The following KCNG3 variants were observed in gnomAD, a reference collection of about 807,000 sequenced individuals.
The protein encoded by KCNG3 is potassium voltage-gated channel modifier subfamily G member 3, also known as voltage-gated potassium channel regulatory subunit KCNG3.
KCNG3 carries 15 observed loss-of-function variants against 29.0 expected under a neutral mutation model. That is an observed-to-expected ratio of 0.52 (90% CI 0.35 to 0.80). The LOEUF is 0.80. KCNG3 is among the 30% of genes least tolerant of loss of function. The pLI is 0.01. For missense variants in KCNG3, 512 were observed against 605.7 expected (o/e 0.85, Z 1.62); for synonymous variants, 322 against 248.9 (o/e 1.29, Z -2.76).
chr2:42,409,723 AAAAAAATT>A, the KCNG3 span, among the ~76,000 whole-genome samples: 274 of 73,278 alleles, frequency 3.7e-3, 2 homozygotes, highest in East Asian at 0.017. Flanking sequence ...AAAAAAAAAA[AAAAAAATT>A]TTTTTTTAAA....
chr2:42,465,235 G>GA (rs1673113587), intron 1 of KCNG3, among the ~76,000 whole-genome samples: 2 of 111,708 alleles, frequency 1.8e-5, no homozygotes, highest in African/African-American at 7.4e-5. Context: ...TTTTTTTTTT[G>GA]AAACAGGGTT....
chr2:42,411,787 C>T, the KCNG3 span, among the ~76,000 whole-genome samples: 1 of 152,260 alleles, frequency 6.6e-6, no homozygotes, highest in East Asian at 1.9e-4. Context: ...CCAACCAGGT[C>T]TCATACATTT....
chr2:42,412,017 G>A, the KCNG3 span, among the ~76,000 whole-genome samples: 7 of 152,210 alleles, frequency 4.6e-5, no homozygotes. Flanking sequence ...TGGAAAAGAC[G>A]TGGAGCCCCT....
chr2:42,418,446 A>G, the KCNG3 span, among the ~76,000 whole-genome samples: 1 of 152,230 alleles, frequency 6.6e-6, no homozygotes, highest in Non-Finnish European at 1.5e-5. Context: ...AAATACCGCA[A>G]ATAAACCACA....
chr2:42,452,243 A>ATATATAT, intron 1 of KCNG3, among the ~76,000 whole-genome samples: 1 of 95,064 alleles, frequency 1.1e-5, no homozygotes, highest in Non-Finnish European at 2.1e-5. Flanking sequence ...ATATATATAT[A>ATATATAT]TTTTTTTTTT....
At chr2:42,406,221 T>A in the KCNG3 span, among the ~76,000 whole-genome samples, 8,236 of 152,034 alleles carry the variant, frequency 0.054, 270 homozygotes, top group Middle Eastern at 0.096. Context: ...TTTTAACACA[T>A]TAATTTTTTT....
At chr2:42,452,851 G>T (rs368973077) in intron 1 of KCNG3, among the ~76,000 whole-genome samples, 2 of 152,078 alleles carry the variant, frequency 1.3e-5, no homozygotes. Flanking sequence ...GTGTGATCTA[G>T]ACTCACTGCA....
At chr2:42,480,070 C>A (rs1401614984) in intron 1 of KCNG3, among the ~76,000 whole-genome samples, 4 of 152,128 alleles carry the variant, frequency 2.6e-5, no homozygotes, top group Non-Finnish European at 5.9e-5. Flanking sequence ...TACTTAACTT[C>A]TAAATACTTG....
chr2:42,398,678 C>T, the KCNG3 span, among the ~76,000 whole-genome samples: 1 of 152,190 alleles, frequency 6.6e-6, no homozygotes, highest in Non-Finnish European at 1.5e-5. Context: ...AAGCTGTGAA[C>T]ATGCACACAA....
the KCNG3 span, among the ~76,000 whole-genome samples, chr2:42,404,056 C>T: frequency 6.6e-6 from 1 of 152,180 alleles, no homozygotes; most frequent in Non-Finnish European, 1.5e-5. Context: ...ATAAAGGTTA[C>T]CTTTTTTTCT....
chr2:42,483,224 C>T (rs577874900), intron 1 of KCNG3, among the ~76,000 whole-genome samples: 1 of 152,074 alleles, frequency 6.6e-6, no homozygotes, highest in Non-Finnish European at 1.5e-5. Flanking sequence ...ATATAGGATC[C>T]TATTCATTAC....
In KCNG3 at chr2:42,444,528, C is replaced by T. The variant is rs1672553430; in HGVS notation, c.717G>A (p.Arg239=). ...IGWFTAECIV[R]FIVSKNKCEF... ...CACACTTGTTTTTGGAGACAATGAA[C>T]CTCACGATGCACTCGGCAGTGAACC... is the stretch of plus-strand genomic sequence containing the variant. Residue 239 remains arginine, a synonymous_variant, in exon 2 of 2, where the codon AGG becomes AGA. Coordinates refer to ENST00000306078, the MANE Select transcript of KCNG3 (RefSeq NM_133329.6). The surrounding 1 kb of genome is among the most constrained non-coding windows in gnomAD (Gnocchi z 5.8). 2 of 1,614,064 alleles carry T rather than the reference C, an allele frequency of 1.2e-6. No homozygotes were observed. The highest frequency in any genetic ancestry group is 1.3e-5 in the African/African-American group (1 of 74,998).
chr2:42,424,436 TAAA>T, the KCNG3 span, among the ~76,000 whole-genome samples: 1 of 138,382 alleles, frequency 7.2e-6, no homozygotes, highest in Non-Finnish European at 1.6e-5. Flanking sequence ...TCCGTCCCTT[TAAA>T]AAAAAAAAAA....
At chr2:42,393,606 G>GT in the KCNG3 span, among the ~76,000 whole-genome samples, 1 of 151,918 alleles carries the variant, frequency 6.6e-6, no homozygotes. Context: ...TTCAGAGCTG[G>GT]TACAGCAGCT....
chr2:42,454,093 CA>C (rs11322972), intron 1 of KCNG3, among the ~76,000 whole-genome samples: 95,382 of 134,828 alleles, frequency 0.71, 33,305 homozygotes, highest in African/African-American at 0.84. Flanking sequence ...GCTACTATAC[CA>C]AAAAAAAAAA....
At chr2:42,393,134 G>C in the KCNG3 span, among the ~76,000 whole-genome samples, 2 of 151,980 alleles carry the variant, frequency 1.3e-5, no homozygotes, top group Non-Finnish European at 2.9e-5. Context: ...GCTTCATAGA[G>C]TTGGTAGTAA....
the KCNG3 span, among the ~76,000 whole-genome samples, chr2:42,402,898 G>A: frequency 6.6e-6 from 1 of 152,142 alleles, no homozygotes; most frequent in Non-Finnish European, 1.5e-5. Context: ...TGTAAAAAAT[G>A]TTTGTCAAAG....
At chr2:42,488,602 T>A (rs1572868249) in intron 1 of KCNG3, among the ~76,000 whole-genome samples, 1 of 151,160 alleles carries the variant, frequency 6.6e-6, no homozygotes, top group South Asian at 2.1e-4. Context: ...CAGGCTGGAG[T>A]GCAGTAGCGT....
intron 1 of KCNG3, among the ~76,000 whole-genome samples, chr2:42,474,583 A>C (rs1357212985): frequency 2.0e-5 from 3 of 152,184 alleles, no homozygotes; most frequent in Non-Finnish European, 2.9e-5. Flanking sequence ...TTATGTTTTG[A>C]TATACCTACC....
Sources: gnomAD v4.1 joint callset for allele counts (sites outside exome capture counted in the v4.1 genomes callset) on GRCh38, gnomAD v4.1.1 for gene constraint, Gnocchi (gnomAD v3.1) non-coding constraint, MANE v1.5 for transcripts, NCBI Gene and HGNC (gene_info 2026-07-23, HGNC 2026-07-21) for gene names.